Variants in ANK1 observed in about 807,000 individuals in gnomAD.
The protein encoded by ANK1 is ankyrin 1.
ANK1 carries 51 observed loss-of-function variants against 210.4 expected under a neutral mutation model. The ratio of observed to expected loss-of-function variants is 0.24; its 90% CI spans 0.19 to 0.31. The LOEUF is 0.31. Ranked by LOEUF, ANK1 falls within the 10% of genes least tolerant of loss-of-function variation. The probability of loss-of-function intolerance (pLI) is 1.00; values close to 1 mark genes in which losing one functional copy is unlikely to be tolerated. For synonymous variants in ANK1, 967 were observed against 1,025.9 expected (o/e 0.94, Z 1.10); for missense variants, 2,051 against 2,504.4 (o/e 0.82, Z 3.86).
rs540730815 is a variant in ANK1 at position 41,820,649 on chromosome 8, A to G, written c.127-62512T>C. Among the ~76,000 whole-genome samples, 305 of 152,246 alleles carry G rather than the reference A, an allele frequency of 2.0e-3. 1 individual carries two copies. Among genetic ancestry groups the G allele is most frequent in the African/African-American group, 7.1e-3 (294 of 41,530 alleles). ...CTAGTCCCAGCCAGTGATGACCCAC[A>G]CTGGGTACCAACTGTAGGGAAGCAA... On this transcript the variant is annotated intron_variant, in intron 1 of 42. Coordinates refer to the ANK1 transcript ENST00000265709.
At position 41,696,500 on chromosome 8, in the gene ANK1, C is replaced by A. The variant is rs1343037649; in HGVS notation, c.2823G>T (p.Arg941=). The change falls in exon 26 of 43, where the codon CGG becomes CGT. Residue 941 remains arginine (R), a synonymous_variant. Coordinates refer to ENST00000289734, the MANE Select transcript of ANK1 (RefSeq NM_000037.4). ...TGATGCGGGTGGGCGCTGCGCACGT[C>A]CGTGGCGGGATCACCACTCGCAGGC... The part of the protein sequence containing the change: ...HNGLRVVIPP[R]TCAAPTRITC... 1.9e-6 allele frequency: 3 copies of A among 1,613,550 alleles called. No homozygotes were observed. In the Admixed American group the frequency reaches 5.0e-5, roughly 27 times the overall value.
intron 1 of ANK1, among the ~76,000 whole-genome samples, chr8:41,787,449 C>T (rs1274419806): frequency 6.6e-6 from 1 of 152,190 alleles, no homozygotes; most frequent in Non-Finnish European, 1.5e-5. Context: ...ACCCACCCCC[C>T]AACCCCCAGC....
At chr8:41,784,174 T>C (rs1845899953) in intron 1 of ANK1, among the ~76,000 whole-genome samples, 1 of 152,086 alleles carries the variant, frequency 6.6e-6, no homozygotes, top group African/African-American at 2.4e-5. Flanking sequence ...ATAACACACT[T>C]AGGGAAAGGA....
At position 41,802,871 on chromosome 8, in the gene ANK1, C is replaced by A. The variant is rs74192083; in HGVS notation, c.127-44734G>T. Among the ~76,000 whole-genome samples the A allele has an allele frequency of 1.0e-3, 145 of 140,270 alleles. 1 individual carries two copies. In the East Asian group the frequency reaches 0.029, roughly 28 times the overall value. The allele number at this position is 140,270 out of a possible 152,430, so 92.0% of individuals were successfully genotyped here. On this transcript the variant is annotated intron_variant, in intron 1 of 42. Transcript: ENST00000265709. ...GAGGCCGCAGTGAGCGATGATCATG[C>A]CACGGCACTCCAGCCTGGGTAATGA...
intron 3 of ANK1, among the ~76,000 whole-genome samples, chr8:41,730,196 C>T (rs918563369): frequency 6.6e-6 from 1 of 152,116 alleles, no homozygotes; most frequent in Non-Finnish European, 1.5e-5. Context: ...GCCGTGTGGC[C>T]CCCCAGCCGC....
At chr8:41,676,857 T>C (rs1814322627) in intron 37 of ANK1, among the ~76,000 whole-genome samples, 1 of 152,240 alleles carries the variant, frequency 6.6e-6, no homozygotes, top group African/African-American at 2.4e-5. Flanking sequence ...CTTCCCAATA[T>C]CAGGGTAATG....
At chr8:41,724,844 T>G (rs193047332) in intron 6 of ANK1, among the ~76,000 whole-genome samples, 92 of 152,316 alleles carry the variant, frequency 6.0e-4, no homozygotes, top group African/African-American at 2.1e-3. Flanking sequence ...AATGAAAGTG[T>G]AATGGGGCTA....
At chr8:41,715,907 T>A in intron 13 of ANK1, 58 bp from the exon 14 acceptor site, 4 of 1,605,336 alleles carry the variant, frequency 2.5e-6, no homozygotes, top group Non-Finnish European at 3.4e-6. Context: ...AATCCAACTT[T>A]TCATCTTACA....
intron 40 of ANK1, 83 bp from the exon 41 acceptor site, chr8:41,662,024 T>C (rs1808476858): frequency 6.6e-7 from 1 of 1,516,844 alleles, no homozygotes; most frequent in Admixed American, 1.7e-5. Context: ...TTTGGGAGGC[T>C]GACGTGCAGA....
Position 41,797,620 on chromosome 8 carries a change from T to C in ANK1, c.-82A>G. 1 of 1,598,210 alleles carries C rather than the reference T, an allele frequency of 6.3e-7. No homozygotes were observed. The highest frequency in any genetic ancestry group is 8.5e-7 in the Non-Finnish European group (1 of 1,173,618). ...TGGGGCTGGCGGACTCACCGCAGCCTCTGCGGGGCCTGTGACGTGCGGGCC... is the reference window on the plus strand; with the variant it reads ...TGGGGCTGGCGGACTCACCGCAGCCCCTGCGGGGCCTGTGACGTGCGGGCC... On this transcript the variant is annotated 5_prime_UTR_variant, in exon 1 of 43. Coordinates refer to ENST00000289734, the MANE Select transcript of ANK1 (RefSeq NM_000037.4). The surrounding 1 kb of genome is among the most constrained non-coding windows in gnomAD (Gnocchi z 4.0).
At position 41,704,228 on chromosome 8, in the gene ANK1, T is replaced by A; in HGVS notation, c.2197-89A>T. ...TGATAGTGCCTGCCCATCTTCGAAG[T>A]GGGACATTAATGAAATGCATTTTCC... On this transcript the variant is annotated intron_variant, in intron 19 of 42. Coordinates refer to ENST00000289734, the MANE Select transcript of ANK1 (RefSeq NM_000037.4). The surrounding 1 kb of genome is among the most constrained non-coding windows in gnomAD (Gnocchi z 4.1). The A allele has an allele frequency of 1.4e-6, 2 of 1,386,078 alleles. No homozygotes were observed. Among genetic ancestry groups the A allele is most frequent in the Non-Finnish European group, 2.1e-6 (2 of 974,882 alleles). The allele number at this position is 1,386,078 out of a possible 1,614,324, so 85.9% of individuals were successfully genotyped here.
chr8:41,709,077 C>T, intron 16 of ANK1, 102 bp from the exon 17 acceptor site: 1 of 1,381,058 alleles, frequency 7.2e-7, no homozygotes, highest in Admixed American at 1.9e-5. Flanking sequence ...CGGCTGGACA[C>T]CCAGTGAGCA....
At chr8:41,810,038 GGA>G (rs984780627) in intron 1 of ANK1, among the ~76,000 whole-genome samples, 32 of 152,294 alleles carry the variant, frequency 2.1e-4, no homozygotes, top group African/African-American at 7.7e-4. Flanking sequence ...GGGGGGACAG[GGA>G]GAGAGACTGA....
At chr8:41,720,559 A>G (rs1039219291) in intron 9 of ANK1, among the ~76,000 whole-genome samples, 1 of 152,194 alleles carries the variant, frequency 6.6e-6, no homozygotes, top group Non-Finnish European at 1.5e-5. Flanking sequence ...TGCACCTGGT[A>G]TGGGTTAAGC....
At chr8:41,715,300 A>G (rs1406133557) in intron 14 of ANK1, among the ~76,000 whole-genome samples, 1 of 152,148 alleles carries the variant, frequency 6.6e-6, no homozygotes, top group Non-Finnish European at 1.5e-5. Flanking sequence ...ACCACCTCAC[A>G]GTGGTAGTTG....
intron 1 of ANK1, among the ~76,000 whole-genome samples, chr8:41,885,107 G>C (rs1176718263): frequency 6.6e-6 from 1 of 152,116 alleles, no homozygotes; most frequent in Non-Finnish European, 1.5e-5. Flanking sequence ...AGACCGTATT[G>C]GAAGGGCAAG....
At chr8:41,799,482 G>A (rs574428151), upstream of ANK1, among the ~76,000 whole-genome samples, 2 of 152,308 alleles carry the variant, frequency 1.3e-5, no homozygotes, top group Non-Finnish European at 2.9e-5. Flanking sequence ...CAAGGAAGAG[G>A]AGGAACAATA....
Position 41,703,422 on chromosome 8 carries a change from G to GTATATATATATATATA in ANK1, c.2295+603_2295+618dup, listed in dbSNP as rs57077078. Among the ~76,000 whole-genome samples, 250 of 53,624 alleles carry GTATATATATATATATA rather than the reference G, an allele frequency of 4.7e-3. 10 individuals are homozygous for GTATATATATATATATA. Among genetic ancestry groups the GTATATATATATATATA allele is most frequent in the Middle Eastern group, 0.013 (1 of 76 alleles). The allele number at this position is 53,624 out of a possible 152,430, so 35.2% of individuals were successfully genotyped here. A position where few individuals can be genotyped will look rare whatever the true frequency, so the allele number is the denominator to read the frequency against. Reference sequence around the variant, plus strand: ...TATATGTGTGTGTGTGTGTGTGTGTGTATATATATATATATATATATATAT... The same window carrying GTATATATATATATATA: ...TATATGTGTGTGTGTGTGTGTGTGTGTATATATATATATATATATATATATATATATATATATATAT... On this transcript the variant is annotated intron_variant, in intron 20 of 42. Transcript: ENST00000289734.
chr8:41,805,514 T>A (rs1181318038), intron 1 of ANK1, among the ~76,000 whole-genome samples: 1 of 152,082 alleles, frequency 6.6e-6, no homozygotes, highest in East Asian at 1.9e-4. Context: ...CCCCGAGTAC[T>A]AAGATTACAA....
Sources: gnomAD v4.1 joint callset for allele counts (sites outside exome capture counted in the v4.1 genomes callset) on GRCh38, gnomAD v4.1.1 for gene constraint, Gnocchi (gnomAD v3.1) non-coding constraint, MANE v1.5 for transcripts, NCBI Gene and HGNC (gene_info 2026-07-23, HGNC 2026-07-21) for gene names.